ZCCHC24: variants seen among roughly 807,000 people sequenced by gnomAD.
ZCCHC24 encodes the protein zinc finger CCHC domain-containing protein 24.
A neutral mutation model predicts 26.2 loss-of-function variants in ZCCHC24; 10 were observed. That is an observed-to-expected ratio of 0.38 (90% CI 0.24 to 0.65). The LOEUF (loss-of-function observed/expected upper bound fraction) is 0.65, where lower values mean the gene tolerates loss of function less well. Ranked by LOEUF, ZCCHC24 falls within the 30% of genes least tolerant of loss-of-function variation. ZCCHC24 has a pLI of 0.54. For missense variants in ZCCHC24, 243 were observed against 329.1 expected, an observed-to-expected ratio of 0.74 and a Z score of 2.03; for synonymous variants, 144 against 147.1, an observed-to-expected ratio of 0.98 and a Z score of 0.15.
intron 3 of ZCCHC24, among the ~76,000 whole-genome samples, chr10:79,391,601 A>C (rs1856479290): frequency 6.6e-6 from 1 of 151,840 alleles, no homozygotes; most frequent in African/African-American, 2.4e-5. Context: ...GGCCCTGCAG[A>C]AACTGGGCTG....
intron 2 of ZCCHC24, among the ~76,000 whole-genome samples, chr10:79,431,016 G>C (rs1318299230): frequency 6.6e-6 from 1 of 152,194 alleles, no homozygotes; most frequent in African/African-American, 2.4e-5. Flanking sequence ...TTAACACATA[G>C]AGTAGTTTCA....
intron 1 of ZCCHC24, among the ~76,000 whole-genome samples, chr10:79,443,306 C>T (rs1857313593): frequency 6.6e-6 from 1 of 152,220 alleles, no homozygotes; most frequent in African/African-American, 2.4e-5. Flanking sequence ...AGCAGCACAA[C>T]ATCCTATTCT....
In ZCCHC24 at chr10:79,428,689, A is replaced by G. The variant is rs192939803; in HGVS notation, c.447+3869T>C. On this transcript the variant is annotated intron_variant, in intron 2 of 3. Transcript: ENST00000372336. ...AAAATAGAGAAAATCAGCTAAACCA[A>G]AAGTTTGTTCTTTGAAAAGTCCAAA... 4.7e-3 allele frequency among the ~76,000 whole-genome samples: 709 copies of G among 152,318 alleles called. 2 individuals are homozygous for G. Among genetic ancestry groups the G allele is most frequent in the Admixed American group, 7.1e-3 (109 of 15,300 alleles).
rs1856356619 is a variant in ZCCHC24 at position 79,383,857 on chromosome 10, A to G, written c.*2488T>C. ...TAAATACAAATTCACAAGTAGAACT[A>G]TTGAATACTTCATATGGGGTAAACA... On this transcript the variant is annotated 3_prime_UTR_variant, in exon 4 of 4. Coordinates refer to ENST00000372336, the MANE Select transcript of ZCCHC24 (RefSeq NM_153367.4). 6.5e-6 allele frequency: 1 copy of G among 152,730 alleles called. No individual in the cohort carries two copies. Among genetic ancestry groups the G allele is most frequent in the African/African-American group, 2.4e-5 (1 of 41,456 alleles). The allele number at this position is 152,730 out of a possible 1,614,324, so 9.5% of individuals were successfully genotyped here.
chr10:79,445,119 T>C, intron 1 of ZCCHC24, 76 bp downstream of exon 1: 5 of 1,170,164 alleles, frequency 4.3e-6, no homozygotes, highest in Non-Finnish European at 5.3e-6. Flanking sequence ...GAAGAGCGGG[T>C]CAGACAGGGA....
At chr10:79,399,822 A>G (rs530784910) in intron 2 of ZCCHC24, among the ~76,000 whole-genome samples, 4 of 152,206 alleles carry the variant, frequency 2.6e-5, no homozygotes, top group Admixed American at 2.0e-4. Context: ...GGAGGCTCAC[A>G]CTCTCTGGGC....
intron 2 of ZCCHC24, among the ~76,000 whole-genome samples, chr10:79,401,387 C>A (rs571416227): frequency 6.6e-6 from 1 of 152,234 alleles, no homozygotes; most frequent in Non-Finnish European, 1.5e-5. Flanking sequence ...GAGCTAAGTA[C>A]GGTTAGTCCC....
At chr10:79,424,208 C>T (rs1482757669) in intron 2 of ZCCHC24, among the ~76,000 whole-genome samples, 1 of 152,206 alleles carries the variant, frequency 6.6e-6, no homozygotes, top group Non-Finnish European at 1.5e-5. Flanking sequence ...TTTGTACTTA[C>T]TGCCTGACTT....
chr10:79,435,985 G>A (rs1857211869), intron 1 of ZCCHC24, among the ~76,000 whole-genome samples: 1 of 152,208 alleles, frequency 6.6e-6, no homozygotes, highest in Non-Finnish European at 1.5e-5. Flanking sequence ...GTAAAATGGA[G>A]CGGGGAAGGG....
At chr10:79,411,055 G>A (rs987264720) in intron 2 of ZCCHC24, among the ~76,000 whole-genome samples, 6 of 152,114 alleles carry the variant, frequency 3.9e-5, no homozygotes, top group African/African-American at 7.2e-5. Flanking sequence ...GTCTTGTGCC[G>A]GCAGTGATGG....
chr10:79,433,274 C>T (rs1564640816), intron 1 of ZCCHC24, among the ~76,000 whole-genome samples: 1 of 152,212 alleles, frequency 6.6e-6, no homozygotes, highest in African/African-American at 2.4e-5. Context: ...ATTGCTCCCG[C>T]TTCACACTAG....
intron 3 of ZCCHC24, 23 bp from the exon 4 acceptor site, chr10:79,386,481 G>GCC: frequency 6.4e-7 from 1 of 1,561,306 alleles, no homozygotes. Flanking sequence ...GGAGGAAGGG[G>GCC]CCCAGGGGAG....
intron 2 of ZCCHC24, among the ~76,000 whole-genome samples, chr10:79,404,489 TC>T (rs1856681643): frequency 6.6e-6 from 1 of 152,182 alleles, no homozygotes; most frequent in Non-Finnish European, 1.5e-5. Context: ...AGAGGTTTCC[TC>T]CGCCACTGCA....
intron 1 of ZCCHC24, among the ~76,000 whole-genome samples, chr10:79,439,648 CA>C (rs1261086133): frequency 6.6e-6 from 1 of 152,022 alleles, no homozygotes; most frequent in Non-Finnish European, 1.5e-5. Context: ...AAAAATTAGC[CA>C]GGTGTGGTGG....
rs1856394129 is a variant in ZCCHC24, at chr10:79,386,313, G to A, written c.*32C>T. The A allele has an allele frequency of 6.3e-7, 1 of 1,598,350 alleles. No individual in the cohort carries two copies. The highest frequency in any genetic ancestry group is 2.2e-5 in the East Asian group (1 of 44,562). ...GAAGCAGCGTCTCCTCGGGCTGGCG[G>A]GGGGTGGCTCTGGGTGCGGGCGGGC... On this transcript the variant is annotated 3_prime_UTR_variant, in exon 4 of 4. Transcript: ENST00000372336.
rs1053463986 is a variant in ZCCHC24 at position 79,417,173 on chromosome 10, G to A, written c.447+15385C>T. On this transcript the variant is annotated intron_variant, in intron 2 of 3. Transcript: ENST00000372336. ...TTGGGAACACAGAGGGAGGACTGAT[G>A]CATGGGGAGGGCTCAGAGGGCCTGC... is the stretch of plus-strand genomic sequence containing the variant. 1.4e-5 allele frequency among the ~76,000 whole-genome samples: 2 copies of A among 138,092 alleles called. 1 individual carries two copies. Among genetic ancestry groups the A allele is most frequent in the African/African-American group, 5.0e-5 (2 of 39,836 alleles). The allele number at this position is 138,092 out of a possible 152,430, so 90.6% of individuals were successfully genotyped here.
chr10:79,444,115 T>C lies in ZCCHC24; in HGVS notation c.246+1080A>G, dbSNP rs199602487. 221 of 1,545,666 alleles carry C rather than the reference T, an allele frequency of 1.4e-4. No homozygotes were observed. In the Middle Eastern group the frequency reaches 4.8e-3, roughly 34 times the overall value. ...CCTAAAACTCACCGGTGTGCCCAGG[T>C]CTGGAAGGAAAGTGACCCCCATGTG... On this transcript the variant is annotated intron_variant, in intron 1 of 3. Transcript: ENST00000372336.
chr10:79,406,442 C>A (rs1856714833), intron 2 of ZCCHC24, among the ~76,000 whole-genome samples: 1 of 152,106 alleles, frequency 6.6e-6, no homozygotes, highest in African/African-American at 2.4e-5. Flanking sequence ...ATTTCCCACC[C>A]CTGCTGACCC....
intron 2 of ZCCHC24, among the ~76,000 whole-genome samples, chr10:79,396,496 A>T (rs1267585862): frequency 6.6e-6 from 1 of 152,120 alleles, no homozygotes; most frequent in South Asian, 2.1e-4. Context: ...GCTCCCACCA[A>T]CTAGAGCTGA....
Sources: gnomAD v4.1 joint callset for allele counts (sites outside exome capture counted in the v4.1 genomes callset) on GRCh38, gnomAD v4.1.1 for gene constraint, MANE v1.5 for transcripts, NCBI Gene and HGNC (gene_info 2026-07-23, HGNC 2026-07-21) for gene names.